SENP2: variants seen among roughly 807,000 people sequenced by gnomAD.
SENP2 encodes sentrin-specific protease 2.
A neutral mutation model predicts 86.3 loss-of-function variants in SENP2; 16 were observed. The ratio of observed to expected loss-of-function variants is 0.19; its 90% CI spans 0.13 to 0.28. SENP2 has a LOEUF of 0.28. Ranked by LOEUF, SENP2 falls within the 10% of genes least tolerant of loss-of-function variation. The pLI, the probability that SENP2 is intolerant of heterozygous loss-of-function variation, is 1.00. For synonymous variants in SENP2, 222 were observed against 238.7 expected (o/e 0.93, Z 0.64); for missense variants, 552 against 703.0 (o/e 0.79, Z 2.43).
In SENP2 at chr3:185,630,177, GTGTT is replaced by G. The variant is rs1238082593; in HGVS notation, c.*338_*341del. The G allele has an allele frequency of 8.6e-6, 2 of 233,796 alleles. No homozygotes were observed. Among genetic ancestry groups the G allele is most frequent in the Admixed American group, 4.8e-5 (1 of 20,634 alleles). 14.5% of individuals were successfully genotyped at this position (233,796 alleles called of 1,614,324 possible). A position where few individuals can be genotyped will look rare whatever the true frequency, so the allele number is the denominator to read the frequency against. On this transcript the variant is annotated 3_prime_UTR_variant, in exon 17 of 17. Transcript: ENST00000296257. ...TATTCTGTGAATTGTTTGTTTCTGT[GTGTT>G]TGTTCAGCGTATTCATTCACTCACT...
chr3:185,597,470 A>G (rs1722211522), intron 2 of SENP2, among the ~76,000 whole-genome samples: 2 of 151,928 alleles, frequency 1.3e-5, no homozygotes. Flanking sequence ...CTCCTGCATC[A>G]GCCTCCTGAG....
At chr3:185,615,079 T>G (rs1016233029) in intron 11 of SENP2, among the ~76,000 whole-genome samples, 6 of 152,250 alleles carry the variant, frequency 3.9e-5, no homozygotes, top group Admixed American at 3.9e-4. Context: ...TTGCATTTTT[T>G]TTTTGAAAGT....
rs933204655 is a variant in SENP2, at chr3:185,586,606, C to T, written c.101+92C>T. 2 of 1,232,452 alleles carry T rather than the reference C, an allele frequency of 1.6e-6. No homozygotes were observed. Among genetic ancestry groups the T allele is most frequent in the South Asian group, 2.5e-5 (2 of 81,514 alleles). The allele number at this position is 1,232,452 out of a possible 1,614,324, so 76.3% of individuals were successfully genotyped here. A position where few individuals can be genotyped will look rare whatever the true frequency, so the allele number is the denominator to read the frequency against. ...GTGATAGCTTTGATTCAGCCAGGCT[C>T]ACCCGAAACAGGTCGCCGGGATCCT... On this transcript the variant is annotated intron_variant, in intron 1 of 16. Coordinates refer to ENST00000296257, the MANE Select transcript of SENP2 (RefSeq NM_021627.3). The surrounding 1 kb of genome is among the most constrained non-coding windows in gnomAD (Gnocchi z 4.3).
chr3:185,604,767 T>A (rs1168715291), intron 5 of SENP2, among the ~76,000 whole-genome samples: 1 of 152,018 alleles, frequency 6.6e-6, no homozygotes, highest in Non-Finnish European at 1.5e-5. Context: ...TCTTTTCTTT[T>A]TTTTTTGAGA....
intron 11 of SENP2, among the ~76,000 whole-genome samples, chr3:185,615,086 A>G (rs1194469596): frequency 6.6e-6 from 1 of 152,102 alleles, no homozygotes; most frequent in African/African-American, 2.4e-5. Flanking sequence ...TTTTTTTTGA[A>G]AGTTATTATA....
intron 5 of SENP2, among the ~76,000 whole-genome samples, chr3:185,604,981 C>T (rs2148986464): frequency 6.7e-6 from 1 of 150,368 alleles, no homozygotes; most frequent in Non-Finnish European, 1.5e-5. Context: ...GTCTTGAACT[C>T]CTGACCTCGT....
chr3:185,629,821 A>G lies in SENP2; in HGVS notation c.1747A>G (p.Ile583Val). ...CTTCCGGAAGAAGATGGTGTGGGAA[A>G]TCCTTCATCAGCAGTTGCTGTGAGA... is the stretch of plus-strand genomic sequence containing the variant. ...PLFRKKMVWEILHQQLL is the reference protein window; with the variant it reads ...PLFRKKMVWEVLHQQLL Residue 583 changes from isoleucine to valine, a missense_variant, in exon 17 of 17, where the codon ATC (isoleucine) becomes GTC (valine). By Grantham distance (29) the Ile-to-Val change is conservative. Around this residue, in one of 2 missense-constraint regions of SENP2, gnomAD observed 169 missense variants for 275.7 expected, o/e 0.61. Coordinates refer to ENST00000296257, the MANE Select transcript of SENP2 (RefSeq NM_021627.3). The G allele has an allele frequency of 1.9e-6, 3 of 1,614,150 alleles. No individual in the cohort carries two copies. Among genetic ancestry groups the G allele is most frequent in the East Asian group, 2.2e-5 (1 of 44,884 alleles).
chr3:185,628,129 TTTATTATTA>T (rs145966423), intron 16 of SENP2, among the ~76,000 whole-genome samples: 1 of 151,678 alleles, frequency 6.6e-6, no homozygotes, highest in South Asian at 2.1e-4. Flanking sequence ...ACATCACTAG[TTTATTATTA>T]TTATTATTAT....
chr3:185,590,867 CAAAAAAAAAAAAAAA>C (rs1196821162), intron 2 of SENP2, among the ~76,000 whole-genome samples: 1 of 13,528 alleles, frequency 7.4e-5, no homozygotes, highest in African/African-American at 2.8e-4. Flanking sequence ...CACTCCATCT[CAAAAAAAAAAAAAAA>C]AAAAAAAAAG....
Position 185,600,859 on chromosome 3 carries a change from A to G in SENP2, c.449+4A>G. The stretch of plus-strand genomic sequence containing the variant: ...GCAGAGTCCTGCCTTCCTTTGGGTA[A>G]GTGTTAAATTCTTTCTGTAAATGGA... On this transcript the variant is annotated splice_donor_region_variant and intron_variant, in intron 5 of 16. Coordinates refer to ENST00000296257, the MANE Select transcript of SENP2 (RefSeq NM_021627.3). The G allele has an allele frequency of 6.3e-7, 1 of 1,593,006 alleles. No individual in the cohort carries two copies. The highest frequency in any genetic ancestry group is 1.1e-5 in the South Asian group (1 of 90,198).
rs775120463 is a variant in SENP2, at chr3:185,598,411, G to T, written c.158-1G>T. ...ATTTACAGTTTGTTGACACTTTCTAGATTGCTTTATTCACCAAGTGAAAAA... is the reference window on the plus strand; with the variant it reads ...ATTTACAGTTTGTTGACACTTTCTATATTGCTTTATTCACCAAGTGAAAAA... On this transcript the variant is annotated splice_acceptor_variant, in intron 2 of 16. Coordinates refer to ENST00000296257, the MANE Select transcript of SENP2 (RefSeq NM_021627.3). LOFTEE classifies it high-confidence loss of function. 8 of 1,613,562 alleles carry T rather than the reference G, an allele frequency of 5.0e-6. No homozygotes were observed. The Admixed American group carries it at 1.2e-4, about 24-fold the overall frequency.
intron 12 of SENP2, 133 bp downstream of exon 12, chr3:185,617,744 T>G: frequency 1.4e-6 from 1 of 706,490 alleles, no homozygotes; most frequent in Non-Finnish European, 2.2e-6. Flanking sequence ...AAAAACATTT[T>G]AAATCTTAAA....
rs578254669 is a variant in SENP2 at position 185,597,929 on chromosome 3, C to T, written c.158-483C>T. Among the ~76,000 whole-genome samples, 18 of 152,362 alleles carry T rather than the reference C, an allele frequency of 1.2e-4. 2 individuals are homozygous for T. Among genetic ancestry groups the T allele is most frequent in the African/African-American group, 4.3e-4 (18 of 41,590 alleles). On this transcript the variant is annotated intron_variant, in intron 2 of 16. Transcript: ENST00000296257. ...TTGGCCTCCCAAAGTGCTGGGATTA[C>T]AGGCGTGAGCCACCACACCAGACCT...
chr3:185,625,057 C>T (rs560712999), intron 15 of SENP2, among the ~76,000 whole-genome samples: 2 of 151,728 alleles, frequency 1.3e-5, no homozygotes, highest in East Asian at 3.9e-4. Context: ...AGATGCTAGG[C>T]TTGAGAGAAA....
chr3:185,591,046 A>C (rs961905577), intron 2 of SENP2, among the ~76,000 whole-genome samples: 11 of 148,292 alleles, frequency 7.4e-5, no homozygotes. Flanking sequence ...CTGGGATTAC[A>C]GGCACCCACC....
intron 14 of SENP2, among the ~76,000 whole-genome samples, chr3:185,623,275 G>T (rs1205168372): frequency 1.3e-5 from 2 of 152,000 alleles, no homozygotes; most frequent in Non-Finnish European, 2.9e-5. Flanking sequence ...CAAGTAGCTG[G>T]TATTAAAGGC....
chr3:185,600,318 T>A (rs1271783504), intron 4 of SENP2, among the ~76,000 whole-genome samples: 1 of 152,180 alleles, frequency 6.6e-6, no homozygotes. Flanking sequence ...AGGTTTCTTG[T>A]GTAAAGAGGT....
intron 11 of SENP2, among the ~76,000 whole-genome samples, chr3:185,616,874 C>G (rs567383924): frequency 1.3e-5 from 2 of 148,724 alleles, no homozygotes; most frequent in South Asian, 4.3e-4. Flanking sequence ...AAATCTTCTT[C>G]TACCTTTTAA....
In SENP2 at chr3:185,592,011, C is replaced by CTTTTTTTTTTTTTTTTTTTTTTTTTT. The variant is rs149268515; in HGVS notation, c.157+1865_157+1866insTTTTTTTTTTTTTTTTTTTTTTTTTT. ...CTGTCTTTAAGAACCGGTAATATTT[C>CTTTTTTTTTTTTTTTTTTTTTTTTTT]TTTTTTTTTTTTTTTTTTTTTTTGA... On this transcript the variant is annotated intron_variant, in intron 2 of 16. Transcript: ENST00000296257. Among the ~76,000 whole-genome samples, 3 of 65,804 alleles carry CTTTTTTTTTTTTTTTTTTTTTTTTTT rather than the reference C, an allele frequency of 4.6e-5. 1 individual carries two copies. The highest frequency in any genetic ancestry group is 8.2e-5 in the Non-Finnish European group (3 of 36,706). The allele number at this position is 65,804 out of a possible 152,430, so 43.2% of individuals were successfully genotyped here.
Sources: gnomAD v4.1 joint callset for allele counts (sites outside exome capture counted in the v4.1 genomes callset) on GRCh38, gnomAD v4.1.1 for gene constraint, gnomAD v4.1.1 regional missense constraint, Gnocchi (gnomAD v3.1) non-coding constraint, MANE v1.5 for transcripts, NCBI Gene and HGNC (gene_info 2026-07-23, HGNC 2026-07-21) for gene names.